The following NELL1 variants were observed in gnomAD, a reference collection of about 807,000 sequenced individuals.
NELL1 encodes the protein neural EGFL like 1.
NELL1 carries 76 observed loss-of-function variants against 107.4 expected under a neutral mutation model. That is an observed-to-expected ratio of 0.71 (90% CI 0.59 to 0.86). The LOEUF (loss-of-function observed/expected upper bound fraction) is 0.86. NELL1 is among the 40% of genes least tolerant of loss of function. The probability of loss-of-function intolerance (pLI) is 0.00; values close to 1 mark genes in which losing one functional copy is unlikely to be tolerated. For synonymous variants in NELL1, 353 were observed against 341.2 expected (o/e 1.03, Z -0.38); for missense variants, 1,024 against 1,005.5 (o/e 1.02, Z -0.25).
chr11:21,062,754 C>A (rs961815222), intron 12 of NELL1, among the ~76,000 whole-genome samples: 4 of 152,140 alleles, frequency 2.6e-5, no homozygotes, highest in Non-Finnish European at 4.4e-5. Context: ...TTCATGGGAA[C>A]AAATCACAGA....
chr11:20,733,540 A>T (rs1447069899), intron 2 of NELL1, among the ~76,000 whole-genome samples: 1 of 152,182 alleles, frequency 6.6e-6, no homozygotes, highest in Non-Finnish European at 1.5e-5. Flanking sequence ...AGAAATAAAA[A>T]AGTCCCCAGG....
intron 15 of NELL1, among the ~76,000 whole-genome samples, chr11:21,406,046 C>T (rs1852226865): frequency 6.6e-6 from 1 of 151,878 alleles, no homozygotes; most frequent in Non-Finnish European, 1.5e-5. Flanking sequence ...CAGATAGGAA[C>T]AGAGTGGATT....
intron 12 of NELL1, among the ~76,000 whole-genome samples, chr11:20,986,776 T>C (rs137892106): frequency 0.015 from 2,317 of 152,254 alleles, 26 homozygotes; most frequent in Non-Finnish European, 0.024. Flanking sequence ...CTGTCAATAT[T>C]TGTATCATTG....
chr11:21,391,734 A>G (rs992815885), intron 15 of NELL1, among the ~76,000 whole-genome samples: 11 of 151,740 alleles, frequency 7.2e-5, no homozygotes, highest in Admixed American at 3.3e-4. Context: ...AGCCGGGCTC[A>G]CGTGATCTTC....
At chr11:21,051,732 A>C (rs550487402) in intron 12 of NELL1, among the ~76,000 whole-genome samples, 1 of 152,164 alleles carries the variant, frequency 6.6e-6, no homozygotes, top group East Asian at 1.9e-4. Flanking sequence ...GTGCTGCCAA[A>C]ATAAATACTT....
intron 3 of NELL1, among the ~76,000 whole-genome samples, chr11:20,785,774 A>C (rs1389124958): frequency 6.6e-6 from 1 of 152,186 alleles, no homozygotes; most frequent in African/African-American, 2.4e-5. Flanking sequence ...GGGCTGCTCT[A>C]AGGAAGAAAA....
At chr11:20,756,700 G>A (rs1381899465) in intron 2 of NELL1, among the ~76,000 whole-genome samples, 1 of 151,604 alleles carries the variant, frequency 6.6e-6, no homozygotes, top group Non-Finnish European at 1.5e-5. Context: ...TATGCTTTGT[G>A]CATTAACAGC....
chr11:20,670,141 G>A (rs575282445), intron 1 of NELL1, among the ~76,000 whole-genome samples: 2 of 152,154 alleles, frequency 1.3e-5, no homozygotes, highest in South Asian at 2.1e-4. Context: ...GTAAGGTGCT[G>A]TGGAAACCAC....
At chr11:21,278,868 G>A (rs1287966987) in intron 14 of NELL1, among the ~76,000 whole-genome samples, 1 of 152,170 alleles carries the variant, frequency 6.6e-6, no homozygotes, top group Non-Finnish European at 1.5e-5. Context: ...GACACTACCA[G>A]ATGTGAAGAC....
intron 14 of NELL1, among the ~76,000 whole-genome samples, chr11:21,273,986 T>C (rs1369652285): frequency 6.6e-6 from 1 of 152,150 alleles, no homozygotes; most frequent in African/African-American, 2.4e-5. Context: ...AGGAAGAAAC[T>C]GCATCAACTA....
chr11:21,358,562 A>C (rs7117164), intron 14 of NELL1, among the ~76,000 whole-genome samples: 6,114 of 119,580 alleles, frequency 0.051, 294 homozygotes, highest in African/African-American at 0.14. Context: ...CCATGCCCTG[A>C]TAATTTTTTT....
intron 12 of NELL1, among the ~76,000 whole-genome samples, chr11:21,022,611 A>G (rs1852726925): frequency 6.6e-6 from 1 of 152,168 alleles, no homozygotes; most frequent in Non-Finnish European, 1.5e-5. Flanking sequence ...CTTGATGGCA[A>G]GAACTTGGAA....
At chr11:21,056,241 C>T (rs1457140783) in intron 12 of NELL1, among the ~76,000 whole-genome samples, 1 of 152,160 alleles carries the variant, frequency 6.6e-6, no homozygotes, top group Non-Finnish European at 1.5e-5. Flanking sequence ...GGGCATTCCC[C>T]TCATGAAAGT....
chr11:21,483,159 G>T (rs1000944683), intron 15 of NELL1, among the ~76,000 whole-genome samples: 1 of 152,104 alleles, frequency 6.6e-6, no homozygotes, highest in Non-Finnish European at 1.5e-5. Flanking sequence ...TAGTATAGCT[G>T]CTCTGTATTG....
At chr11:21,275,803 A>G (rs2198513) in intron 14 of NELL1, among the ~76,000 whole-genome samples, 26,370 of 152,248 alleles carry the variant, frequency 0.17, 2,983 homozygotes, top group Middle Eastern at 0.28. Context: ...CAAAAACCAT[A>G]TGATTATCTC....
rs187530103 is a variant in NELL1 at position 20,962,302 on chromosome 11, G to A, written c.1300+1742G>A. ...TTAAGTAATTTTAAGAATTAAAAAT[G>A]TGAGTATTCCCACTATTTACCATGG... On this transcript the variant is annotated intron_variant, in intron 12 of 19. Coordinates refer to ENST00000357134, the MANE Select transcript of NELL1 (RefSeq NM_006157.5). Among the ~76,000 whole-genome samples the A allele has an allele frequency of 1.0e-3, 157 of 152,184 alleles. 3 individuals carry two copies. In the East Asian group the frequency reaches 0.024, roughly 23 times the overall value.
rs552906407 is a variant in NELL1 at position 20,816,176 on chromosome 11, A to G, written c.336-31407A>G. 1.1e-4 allele frequency among the ~76,000 whole-genome samples: 16 copies of G among 152,212 alleles called. No homozygotes were observed. In the South Asian group the frequency reaches 2.9e-3, roughly 28 times the overall value. Reference sequence around the variant, plus strand: ...ATATGAATTTTAGTAATTTTTTTCAATTCTGTTAAAAATGACATTGGTCGT... The same window carrying G: ...ATATGAATTTTAGTAATTTTTTTCAGTTCTGTTAAAAATGACATTGGTCGT... On this transcript the variant is annotated intron_variant, in intron 3 of 19. Transcript: ENST00000357134.
At chr11:21,069,792 T>C (rs184842846) in intron 12 of NELL1, among the ~76,000 whole-genome samples, 19 of 152,248 alleles carry the variant, frequency 1.2e-4, no homozygotes, top group Non-Finnish European at 2.1e-4. Context: ...AAAATATGGA[T>C]TTTGCAGGCA....
intron 13 of NELL1, among the ~76,000 whole-genome samples, chr11:21,134,773 C>T (rs578164236): frequency 2.6e-5 from 4 of 152,236 alleles, no homozygotes; most frequent in Non-Finnish European, 4.4e-5. Context: ...TTAAATAGAG[C>T]GTGCTTTGAA....
Sources: allele counts gnomAD v4.1 joint callset (sites outside exome capture counted in the v4.1 genomes callset), GRCh38; gene constraint gnomAD v4.1.1; transcripts MANE v1.5; gene names NCBI Gene and HGNC (gene_info 2026-07-23, HGNC 2026-07-21).